MSH3: variants seen among roughly 807,000 people sequenced by gnomAD.
The protein encoded by MSH3 is DNA mismatch repair protein Msh3.
In MSH3, 106 loss-of-function variants were observed where a neutral mutation model predicts 123.3. The observed-to-expected ratio is 0.86, with a 90% confidence interval of 0.73 to 1.01. MSH3 has a LOEUF of 1.01. MSH3 is among the 50% of genes least tolerant of loss of function. The pLI is 0.00. For missense variants in MSH3, 1,459 were observed against 1,347.6 expected (o/e 1.08, Z -1.29); for synonymous variants, 515 against 481.4 (o/e 1.07, Z -0.91).
At chr5:80,657,651 GA>G (rs72386143) in intron 2 of MSH3, among the ~76,000 whole-genome samples, 38,680 of 145,562 alleles carry the variant, frequency 0.27, 5,098 homozygotes, top group Middle Eastern at 0.33. Flanking sequence ...AAGAGAATGA[GA>G]AAAAAAAAAA....
chr5:80,767,284 T>C (rs1435249034), intron 13 of MSH3, among the ~76,000 whole-genome samples: 1 of 152,176 alleles, frequency 6.6e-6, no homozygotes, highest in African/African-American at 2.4e-5. Context: ...ACTTTTTTAT[T>C]ACGAAGACAT....
chr5:80,837,245 G>A (rs112436895), intron 20 of MSH3, among the ~76,000 whole-genome samples: 1,540 of 152,232 alleles, frequency 0.01, 24 homozygotes, highest in African/African-American at 0.035. Context: ...GAACAGCTTC[G>A]ACCAAAGAGT....
At chr5:80,779,056 A>T (rs998271919) in intron 17 of MSH3, among the ~76,000 whole-genome samples, 33 of 147,268 alleles carry the variant, frequency 2.2e-4, no homozygotes, top group Non-Finnish European at 4.6e-4. Flanking sequence ...CAGTGGCACG[A>T]TCTCGGCTCA....
intron 3 of MSH3, among the ~76,000 whole-genome samples, chr5:80,668,682 G>A (rs916692480): frequency 2.6e-5 from 4 of 152,186 alleles, no homozygotes; most frequent in African/African-American, 7.2e-5. Context: ...CAGAGGGAGG[G>A]GGAATTCCCT....
chr5:80,681,710 A>AT (rs993071602), intron 8 of MSH3, among the ~76,000 whole-genome samples: 1 of 151,842 alleles, frequency 6.6e-6, no homozygotes, highest in African/African-American at 2.4e-5. Context: ...CAACACATTC[A>AT]TTTTTTTGTT....
chr5:80,820,568 C>A (rs1188222518), intron 20 of MSH3, among the ~76,000 whole-genome samples: 1 of 152,054 alleles, frequency 6.6e-6, no homozygotes, highest in Non-Finnish European at 1.5e-5. Flanking sequence ...ACAATAAAAA[C>A]TGTAATATAA....
intron 2 of MSH3, among the ~76,000 whole-genome samples, chr5:80,659,651 C>T (rs948072786): frequency 9.9e-5 from 15 of 151,988 alleles, no homozygotes; most frequent in African/African-American, 3.4e-4. Flanking sequence ...ATTTATCATC[C>T]TAGACATTTT....
chr5:80,862,533 G>A lies in MSH3; in HGVS notation c.3001-2280G>A, dbSNP rs534485593. ...AGCACTTTGGGAGGCCAAAGCAGGAGGACCCCTTGAGCCCAGGTTCAAGAC... is the reference window on the plus strand; with the variant it reads ...AGCACTTTGGGAGGCCAAAGCAGGAAGACCCCTTGAGCCCAGGTTCAAGAC... On this transcript the variant is annotated intron_variant, in intron 21 of 23. Coordinates refer to ENST00000265081, the MANE Select transcript of MSH3 (RefSeq NM_002439.5). Among the ~76,000 whole-genome samples, 483 of 152,240 alleles carry A rather than the reference G, an allele frequency of 3.2e-3. 5 individuals carry two copies. The highest frequency in any genetic ancestry group is 7.3e-3 in the African/African-American group (305 of 41,554).
At position 80,729,332 on chromosome 5, in the gene MSH3, G is replaced by A. The variant is rs1350849147; in HGVS notation, c.1568+367G>A. On this transcript the variant is annotated intron_variant, in intron 10 of 23. Transcript: ENST00000265081. ...AGGGAGGCTGAGACAGGAGAATGGC[G>A]TGAACCCAGGGAGGTGGAGCCTGCA... 4.0e-5 allele frequency among the ~76,000 whole-genome samples: 6 copies of A among 149,450 alleles called. No homozygotes were observed. The East Asian group carries it at 5.9e-4, about 15-fold the overall frequency.
intron 14 of MSH3, 80 bp from the exon 15 acceptor site, chr5:80,768,755 T>C: frequency 7.8e-7 from 1 of 1,275,292 alleles, no homozygotes; most frequent in Non-Finnish European, 1.1e-6. Context: ...CTTTCCTCTT[T>C]TATCACACTA....
intron 2 of MSH3, 127 bp from the exon 3 acceptor site, chr5:80,665,016 C>G: frequency 1.5e-6 from 1 of 689,116 alleles, no homozygotes; most frequent in Non-Finnish European, 2.4e-6. Context: ...TTAAAAAAAT[C>G]ACATTATAGT....
In MSH3 at chr5:80,662,147, C is replaced by A. The variant is rs187696417; in HGVS notation, c.359-2996C>A. ...TTCTATGTTTAAATATGTTTAGATA[C>A]ACAGATACTTACCATTGTGTTACAG... On this transcript the variant is annotated intron_variant, in intron 2 of 23. Coordinates refer to ENST00000265081, the MANE Select transcript of MSH3 (RefSeq NM_002439.5). Among the ~76,000 whole-genome samples the A allele has an allele frequency of 5.9e-5, 9 of 152,262 alleles. No individual in the cohort carries two copies. In the East Asian group the frequency reaches 1.7e-3, roughly 29 times the overall value.
chr5:80,782,016 C>T (rs908024879), intron 17 of MSH3, among the ~76,000 whole-genome samples: 7 of 152,120 alleles, frequency 4.6e-5, no homozygotes, highest in Non-Finnish European at 1.0e-4. Context: ...TGTATATTTA[C>T]ATAATGCACA....
intron 20 of MSH3, among the ~76,000 whole-genome samples, chr5:80,841,076 C>A (rs549581301): frequency 1.3e-5 from 2 of 151,648 alleles, no homozygotes; most frequent in East Asian, 3.9e-4. Flanking sequence ...CCACGACAGA[C>A]CCCGGTGTGT....
At chr5:80,750,564 A>G (rs936574512) in intron 12 of MSH3, among the ~76,000 whole-genome samples, 1 of 152,004 alleles carries the variant, frequency 6.6e-6, no homozygotes, top group South Asian at 2.1e-4. Context: ...CCCATTTTTA[A>G]ATAGGGTTAT....
At chr5:80,811,440 A>G (rs1419642574) in intron 19 of MSH3, among the ~76,000 whole-genome samples, 1 of 152,112 alleles carries the variant, frequency 6.6e-6, no homozygotes, top group Non-Finnish European at 1.5e-5. Context: ...AATGGTTTGT[A>G]TAACCTTGGA....
chr5:80,856,908 A>AT (rs1745930126), intron 21 of MSH3, among the ~76,000 whole-genome samples: 2 of 151,468 alleles, frequency 1.3e-5, no homozygotes, highest in African/African-American at 4.9e-5. Context: ...TTCTTGTCTT[A>AT]TTGCAGTAAC....
Position 80,778,816 on chromosome 5 carries a change from TG to T in MSH3, c.2416del (p.Glu806AsnfsTer6). On this transcript the variant is annotated frameshift_variant, in exon 17 of 24. Coordinates refer to ENST00000265081, the MANE Select transcript of MSH3 (RefSeq NM_002439.5). LOFTEE classifies it high-confidence loss of function. ...REQLVLDCSA[E>X]WLDFLEKFSE... is the part of the protein sequence containing the mutation. ...AGCAGCTAGTCCTTGACTGCAGTGCTGAATGGCTTGATTTTCTAGAGTGAGT... is the reference window on the plus strand; with the variant it reads ...AGCAGCTAGTCCTTGACTGCAGTGCTAATGGCTTGATTTTCTAGAGTGAGT... 1 of 1,583,164 alleles carries T rather than the reference TG, an allele frequency of 6.3e-7. No homozygotes were observed. Among genetic ancestry groups the T allele is most frequent in the Non-Finnish European group, 8.7e-7 (1 of 1,151,718 alleles).
chr5:80,736,540 G>A (rs1580594240), intron 10 of MSH3, among the ~76,000 whole-genome samples: 1 of 152,142 alleles, frequency 6.6e-6, no homozygotes, highest in Non-Finnish European at 1.5e-5. Flanking sequence ...TGCAAGCTTG[G>A]CCCTTGACTG....
Sources: gnomAD v4.1 joint callset for allele counts (sites outside exome capture counted in the v4.1 genomes callset) on GRCh38, gnomAD v4.1.1 for gene constraint, MANE v1.5 for transcripts, NCBI Gene and HGNC (gene_info 2026-07-23, HGNC 2026-07-21) for gene names.